Variants in SUCLG2 observed in about 807,000 individuals in gnomAD.
The protein encoded by SUCLG2 is succinate--CoA ligase [GDP-forming] subunit beta, mitochondrial.
A neutral mutation model predicts 47.9 loss-of-function variants in SUCLG2; 42 were observed. The ratio of observed to expected loss-of-function variants is 0.88; its 90% CI spans 0.69 to 1.14. The LOEUF is 1.14. SUCLG2 is among the 50% of genes most tolerant of loss of function. The probability of loss-of-function intolerance (pLI) is 0.00; values close to 1 mark genes in which losing one functional copy is unlikely to be tolerated. For synonymous variants in SUCLG2, 195 were observed against 197.3 expected (o/e 0.99, Z 0.10); for missense variants, 571 against 525.9 (o/e 1.09, Z -0.84).
At chr3:67,571,677 T>C (rs1707615597) in intron 2 of SUCLG2, among the ~76,000 whole-genome samples, 1 of 152,238 alleles carries the variant, frequency 6.6e-6, no homozygotes, top group South Asian at 2.1e-4. Flanking sequence ...GTTCACCCTA[T>C]ATCATTTAAT....
At chr3:67,634,161 G>C (rs1700971406) in intron 1 of SUCLG2, among the ~76,000 whole-genome samples, 1 of 152,126 alleles carries the variant, frequency 6.6e-6, no homozygotes, top group Admixed American at 6.5e-5. Context: ...CTTCTTCATA[G>C]CCAGTATATT....
At chr3:67,624,413 ATAC>A (rs1235809174) in intron 1 of SUCLG2, among the ~76,000 whole-genome samples, 1 of 152,256 alleles carries the variant, frequency 6.6e-6, no homozygotes, top group Non-Finnish European at 1.5e-5. Flanking sequence ...GATGAATAAA[ATAC>A]TACTGCTATG....
intron 9 of SUCLG2, among the ~76,000 whole-genome samples, chr3:67,461,675 T>C (rs747905690): frequency 2.0e-5 from 3 of 152,000 alleles, no homozygotes; most frequent in Non-Finnish European, 4.4e-5. Context: ...TTGAACAGCA[T>C]CCCTGACCTC....
At chr3:67,544,685 A>G (rs1706816825) in intron 2 of SUCLG2, among the ~76,000 whole-genome samples, 1 of 152,204 alleles carries the variant, frequency 6.6e-6, no homozygotes, top group Non-Finnish European at 1.5e-5. Context: ...ATGGGACTGG[A>G]GAGCAAGGAC....
intron 2 of SUCLG2, among the ~76,000 whole-genome samples, chr3:67,535,646 A>G (rs550459335): frequency 3.3e-5 from 5 of 152,278 alleles, no homozygotes; most frequent in African/African-American, 1.2e-4. Context: ...AGCAACACTA[A>G]ATAGACTAAG....
chr3:67,639,460 G>A (rs1701062325), intron 1 of SUCLG2, among the ~76,000 whole-genome samples: 1 of 152,016 alleles, frequency 6.6e-6, no homozygotes, highest in Admixed American at 6.5e-5. Flanking sequence ...GATGCTCTCA[G>A]TGCTCCATCC....
At chr3:67,585,231 C>A (rs953552884) in intron 2 of SUCLG2, among the ~76,000 whole-genome samples, 1 of 152,190 alleles carries the variant, frequency 6.6e-6, no homozygotes, top group African/African-American at 2.4e-5. Context: ...TCTCTAATCA[C>A]CTGATACCTC....
intron 2 of SUCLG2, among the ~76,000 whole-genome samples, chr3:67,590,946 A>C (rs1389011615): frequency 6.6e-6 from 1 of 150,854 alleles, no homozygotes; most frequent in Non-Finnish European, 1.5e-5. Context: ...TAAAGTAAAA[A>C]TTAAAAAAAA....
chr3:67,451,307 G>C (rs1392034792), intron 9 of SUCLG2, among the ~76,000 whole-genome samples: 1 of 152,116 alleles, frequency 6.6e-6, no homozygotes, highest in African/African-American at 2.4e-5. Flanking sequence ...AGTATTTTAA[G>C]AATTAAATAA....
At chr3:67,400,683 G>T in intron 10 of SUCLG2, 48 bp downstream of exon 10, 1 of 1,600,454 alleles carries the variant, frequency 6.2e-7, no homozygotes, top group South Asian at 1.1e-5. Context: ...CTGGTCACCT[G>T]ACCTTGGAGA....
In SUCLG2 at chr3:67,446,474, A is replaced by T. The variant is rs1235631594; in HGVS notation, c.1063-45623T>A. ...GAGATAGAGTCTCGCTCTGTCACTC[A>T]GGCTGGAATGCAGTTGTATGATCTC... is the stretch of plus-strand genomic sequence containing the variant. On this transcript the variant is annotated intron_variant, in intron 9 of 10. Transcript: ENST00000307227. Among the ~76,000 whole-genome samples the T allele has an allele frequency of 9.6e-5, 11 of 114,668 alleles. 1 individual carries two copies. Among genetic ancestry groups the T allele is most frequent in the Admixed American group, 2.5e-4 (2 of 7,916 alleles). 75.2% of individuals were successfully genotyped at this position (114,668 alleles called of 152,430 possible). A position where few individuals can be genotyped will look rare whatever the true frequency, so the allele number is the denominator to read the frequency against.
intron 9 of SUCLG2, among the ~76,000 whole-genome samples, chr3:67,491,394 C>T (rs1164367392): frequency 1.5e-4 from 21 of 138,080 alleles, no homozygotes; most frequent in Non-Finnish European, 2.9e-4. Flanking sequence ...GACGAAGTCT[C>T]GCTCTTGTCT....
rs79243857 is a variant in SUCLG2 at position 67,483,124 on chromosome 3, G to A, written c.1062+12674C>T. Among the ~76,000 whole-genome samples the A allele has an allele frequency of 5.0e-3, 757 of 152,180 alleles. 7 individuals are homozygous for A. The highest frequency in any genetic ancestry group is 0.018 in the African/African-American group (735 of 41,528). ...TGAAGCATTCTCAGGAGAGGTTCCT[G>A]GGTATGCAGATGAAATATCCATTGA... On this transcript the variant is annotated intron_variant, in intron 9 of 10. Coordinates refer to ENST00000307227, the MANE Select transcript of SUCLG2 (RefSeq NM_003848.4).
chr3:67,528,022 C>T (rs1706300950), intron 4 of SUCLG2, 110 bp downstream of exon 4: 6 of 907,168 alleles, frequency 6.6e-6, no homozygotes, highest in Middle Eastern at 3.4e-4. Flanking sequence ...AATAAAATGG[C>T]ACACTGCCAA....
chr3:67,629,503 G>T (rs1700890551), intron 1 of SUCLG2, among the ~76,000 whole-genome samples: 1 of 150,766 alleles, frequency 6.6e-6, no homozygotes, highest in African/African-American at 2.4e-5. Context: ...ATATGGGGGA[G>T]GGGGGGGCGC....
intron 7 of SUCLG2, among the ~76,000 whole-genome samples, chr3:67,500,174 G>A (rs1414572574): frequency 6.6e-6 from 1 of 152,182 alleles, no homozygotes; most frequent in African/African-American, 2.4e-5. Flanking sequence ...CTCACTCACT[G>A]AAAAGCAGTG....
At chr3:67,381,218 T>C (rs1248950058) in intron 10 of SUCLG2, among the ~76,000 whole-genome samples, 2 of 150,736 alleles carry the variant, frequency 1.3e-5, no homozygotes, top group African/African-American at 4.9e-5. Flanking sequence ...TAAAATAAAA[T>C]AAAATAAAAG....
At position 67,484,567 on chromosome 3, in the gene SUCLG2, C is replaced by G. The variant is rs114374306; in HGVS notation, c.1062+11231G>C. Among the ~76,000 whole-genome samples the G allele has an allele frequency of 5.0e-3, 760 of 152,210 alleles. 7 individuals carry two copies. The highest frequency in any genetic ancestry group is 0.018 in the African/African-American group (738 of 41,510). ...AATGGGGAGAAAATTCAGGAAAGCT[C>G]TATACCTTGGGTATTTTTAAAGAAT... is the stretch of plus-strand genomic sequence containing the variant. On this transcript the variant is annotated intron_variant, in intron 9 of 10. Coordinates refer to ENST00000307227, the MANE Select transcript of SUCLG2 (RefSeq NM_003848.4).
chr3:67,488,460 T>C (rs1282946348), intron 9 of SUCLG2, among the ~76,000 whole-genome samples: 1 of 152,214 alleles, frequency 6.6e-6, no homozygotes, highest in Non-Finnish European at 1.5e-5. Context: ...ACCTCTGCTA[T>C]ACAGGAAAGG....
Sources: gnomAD v4.1 joint callset for allele counts (sites outside exome capture counted in the v4.1 genomes callset) on GRCh38, gnomAD v4.1.1 for gene constraint, MANE v1.5 for transcripts, NCBI Gene and HGNC (gene_info 2026-07-23, HGNC 2026-07-21) for gene names.